The following GNAL variants were observed in gnomAD, a reference collection of about 807,000 sequenced individuals.
The protein encoded by GNAL is guanine nucleotide-binding protein G(olf) subunit alpha.
GNAL carries 18 observed loss-of-function variants against 55.1 expected under a neutral mutation model. The observed-to-expected ratio is 0.33, with a 90% confidence interval of 0.23 to 0.48. The LOEUF is 0.48. Among genes scored for constraint, GNAL ranks in the 20% least tolerant of loss-of-function variants. GNAL has a pLI of 0.99. For missense variants in GNAL, 412 were observed against 614.1 expected, an observed-to-expected ratio of 0.67 and a Z score of 3.48; for synonymous variants, 253 against 237.0, an observed-to-expected ratio of 1.07 and a Z score of -0.62.
intron 5 of GNAL, among the ~76,000 whole-genome samples, chr18:11,827,167 C>T (rs191750109): frequency 6.6e-6 from 1 of 152,228 alleles, no homozygotes; most frequent in African/African-American, 2.4e-5. Context: ...GTGGTGAGCG[C>T]GCTTGGCAAG....
intron 4 of GNAL, among the ~76,000 whole-genome samples, chr18:11,822,860 C>G (rs1428319129): frequency 7.0e-6 from 1 of 142,508 alleles, no homozygotes; most frequent in Non-Finnish European, 1.5e-5. Context: ...AGATTAATTA[C>G]TCCAGTCTTG....
intron 1 of GNAL, among the ~76,000 whole-genome samples, chr18:11,740,789 G>A (rs936551867): frequency 6.6e-6 from 1 of 152,186 alleles, no homozygotes; most frequent in African/African-American, 2.4e-5. Flanking sequence ...CTTACCCATA[G>A]TTTAAATTCA....
Position 11,884,740 on chromosome 18 carries a change from G to C in GNAL, c.*3605G>C. The C allele has an allele frequency of 7.4e-7, 1 of 1,347,962 alleles. No individual in the cohort carries two copies. The highest frequency in any genetic ancestry group is 2.4e-5 in the East Asian group (1 of 41,492). 83.5% of individuals were successfully genotyped at this position (1,347,962 alleles called of 1,614,324 possible). ...TCTCAGGTCCCCCTCAGGTGAGGCAGGGAACGGGCCCTCCTCACCTGAGAC... is the reference window on the plus strand; with the variant it reads ...TCTCAGGTCCCCCTCAGGTGAGGCACGGAACGGGCCCTCCTCACCTGAGAC... On this transcript the variant is annotated 3_prime_UTR_variant, in exon 12 of 12. Coordinates refer to ENST00000334049, the MANE Select transcript of GNAL (RefSeq NM_182978.4).
At chr18:11,814,501 C>T (rs1314766947) in intron 4 of GNAL, among the ~76,000 whole-genome samples, 2 of 151,670 alleles carry the variant, frequency 1.3e-5, no homozygotes, top group African/African-American at 4.9e-5. Context: ...GCACTCCAGC[C>T]TGGGCGACAG....
At chr18:11,818,530 G>A (rs1416154270) in intron 4 of GNAL, among the ~76,000 whole-genome samples, 1 of 152,206 alleles carries the variant, frequency 6.6e-6, no homozygotes, top group Admixed American at 6.5e-5. Context: ...AAACGACTGT[G>A]TGTGCTTCCA....
At chr18:11,721,634 T>A (rs930962301) in intron 1 of GNAL, among the ~76,000 whole-genome samples, 6 of 152,090 alleles carry the variant, frequency 3.9e-5, no homozygotes, top group Admixed American at 3.9e-4. Flanking sequence ...CAGGTACTTG[T>A]AATCCCAGCT....
Position 11,881,127 on chromosome 18 carries a change from C to T in GNAL, c.1369C>T (p.Leu457Phe). Residue 457 changes from leucine to phenylalanine, a missense_variant, in exon 12 of 12, where the codon CTC becomes TTC. Around this residue, in one of 5 missense-constraint regions of GNAL, gnomAD observed 79 missense variants for 127.1 expected, o/e 0.62. Transcript: ENST00000334049. This position sits in a 1 kb window ranked among gnomAD's most constrained non-coding sequence, Gnocchi z 4.8. ...GCGGATGCACCTCAAGCAGTATGAG[C>T]TCTTGTGAGGATGCTGCCGCCACCC... The part of the protein sequence containing the change: ...IQRMHLKQYE[L>F]L 1 of 1,608,518 alleles carries T rather than the reference C, an allele frequency of 6.2e-7. No homozygotes were observed. Among genetic ancestry groups the T allele is most frequent in the South Asian group, 1.1e-5 (1 of 90,248 alleles).
At chr18:11,691,653 G>A (rs1402202776) in intron 1 of GNAL, among the ~76,000 whole-genome samples, 1 of 151,660 alleles carries the variant, frequency 6.6e-6, no homozygotes, top group Non-Finnish European at 1.5e-5. Flanking sequence ...TGTAAGGAAG[G>A]GATCCAGTTT....
chr18:11,758,494 T>C (rs567278760), intron 4 of GNAL, among the ~76,000 whole-genome samples: 29 of 152,248 alleles, frequency 1.9e-4, no homozygotes, highest in South Asian at 6.2e-4. Context: ...ATAAAAAAAC[T>C]CCAGTTATCT....
At chr18:11,716,559 T>C (rs532439572) in intron 1 of GNAL, among the ~76,000 whole-genome samples, 62 of 152,260 alleles carry the variant, frequency 4.1e-4, no homozygotes, top group African/African-American at 1.3e-3. Context: ...TCCTGCTGAT[T>C]GGTAGAGCTG....
chr18:11,838,832 C>T (rs1315555369), intron 5 of GNAL, among the ~76,000 whole-genome samples: 1 of 152,114 alleles, frequency 6.6e-6, no homozygotes, highest in Non-Finnish European at 1.5e-5. Context: ...GCAAAAAATA[C>T]TGATTCAAAA....
chr18:11,863,071 G>A (rs956684378), intron 6 of GNAL, among the ~76,000 whole-genome samples: 2 of 152,060 alleles, frequency 1.3e-5, no homozygotes, highest in Non-Finnish European at 2.9e-5. Context: ...TGGAGACAGG[G>A]TTTTGCCATG....
chr18:11,875,377 A>G (rs1262855437), intron 10 of GNAL, among the ~76,000 whole-genome samples: 1 of 152,142 alleles, frequency 6.6e-6, no homozygotes, highest in Non-Finnish European at 1.5e-5. Context: ...TAGGCTGGTG[A>G]TAGGATTTAG....
At chr18:11,858,015 T>C (rs1261204901) in intron 5 of GNAL, among the ~76,000 whole-genome samples, 1 of 152,236 alleles carries the variant, frequency 6.6e-6, no homozygotes, top group East Asian at 1.9e-4. Context: ...CAGTTGGTAC[T>C]TTTTTTCTCA....
chr18:11,795,414 A>G (rs967390408), intron 4 of GNAL, among the ~76,000 whole-genome samples: 71 of 151,250 alleles, frequency 4.7e-4, no homozygotes, highest in African/African-American at 1.6e-3. Flanking sequence ...AAAAAAATGA[A>G]CAGGCATTTA....
At chr18:11,788,924 TATATATATATATACAC>T (rs2034149723) in intron 4 of GNAL, among the ~76,000 whole-genome samples, 1 of 116,858 alleles carries the variant, frequency 8.6e-6, no homozygotes, top group South Asian at 2.6e-4. Flanking sequence ...AATATATATA[TATATATATATATACAC>T]ATATATATCA....
chr18:11,698,952 ATT>A (rs34487043), intron 1 of GNAL, among the ~76,000 whole-genome samples: 41,131 of 151,894 alleles, frequency 0.27, 9,940 homozygotes, highest in African/African-American at 0.65. Context: ...GACCTAGCTA[ATT>A]TTCGGGTATC....
intron 4 of GNAL, among the ~76,000 whole-genome samples, chr18:11,763,286 G>A (rs1465471521): frequency 6.6e-6 from 1 of 152,194 alleles, no homozygotes; most frequent in Non-Finnish European, 1.5e-5. Flanking sequence ...AGAGTTGGTT[G>A]CAGACATCAT....
chr18:11,727,345 C>T (rs1428787288), intron 1 of GNAL, among the ~76,000 whole-genome samples: 8 of 152,142 alleles, frequency 5.3e-5, no homozygotes, highest in African/African-American at 1.2e-4. Flanking sequence ...GTCCCTGGGC[C>T]GTCTTTTTAT....
Sources: gnomAD v4.1 joint callset for allele counts (sites outside exome capture counted in the v4.1 genomes callset) on GRCh38, gnomAD v4.1.1 for gene constraint, gnomAD v4.1.1 regional missense constraint, Gnocchi (gnomAD v3.1) non-coding constraint, MANE v1.5 for transcripts, NCBI Gene and HGNC (gene_info 2026-07-23, HGNC 2026-07-21) for gene names.